Variants in EPB41L4A observed in about 807,000 individuals in gnomAD.
The protein encoded by EPB41L4A is band 4.1-like protein 4A.
A neutral mutation model predicts 108.6 loss-of-function variants in EPB41L4A; 100 were observed. That is an observed-to-expected ratio of 0.92 (90% CI 0.78 to 1.09). EPB41L4A has a LOEUF of 1.09. Among genes scored for constraint, EPB41L4A ranks in the 50% least tolerant of loss-of-function variants. The pLI, the probability that EPB41L4A is intolerant of heterozygous loss-of-function variation, is 0.00. For missense variants in EPB41L4A, 1,030 were observed against 842.7 expected (o/e 1.22, Z -2.75); for synonymous variants, 319 against 289.0 (o/e 1.10, Z -1.05).
intron 9 of EPB41L4A, among the ~76,000 whole-genome samples, chr5:112,242,988 C>T (rs958885415): frequency 3.3e-5 from 5 of 152,026 alleles, no homozygotes; most frequent in East Asian, 1.9e-4. Flanking sequence ...CTGAGGCAGG[C>T]GGATCACCTG....
chr5:112,181,172 C>T (rs767372290), intron 18 of EPB41L4A, among the ~76,000 whole-genome samples: 11 of 152,124 alleles, frequency 7.2e-5, no homozygotes, highest in Non-Finnish European at 1.6e-4. Flanking sequence ...AAACATGTGG[C>T]CGGGCGTGGT....
chr5:112,364,794 T>G (rs1429871732), intron 1 of EPB41L4A, among the ~76,000 whole-genome samples: 1 of 152,236 alleles, frequency 6.6e-6, no homozygotes, highest in Non-Finnish European at 1.5e-5. Flanking sequence ...GTTCATAATT[T>G]GAATCTCTAA....
chr5:112,158,630 G>A (rs1246028367), downstream of EPB41L4A, among the ~76,000 whole-genome samples: 3 of 152,132 alleles, frequency 2.0e-5, no homozygotes, highest in African/African-American at 7.2e-5. Flanking sequence ...GCATGGCTGG[G>A]GAGGCCTCAG....
chr5:112,401,665 T>C (rs765127897), intron 1 of EPB41L4A, among the ~76,000 whole-genome samples: 2 of 152,284 alleles, frequency 1.3e-5, no homozygotes, highest in Middle Eastern at 6.8e-3. Flanking sequence ...ACTCTCACCC[T>C]TTTTCCTCCT....
chr5:112,277,705 G>C, intron 3 of EPB41L4A, among the ~76,000 whole-genome samples: 1 of 152,134 alleles, frequency 6.6e-6, no homozygotes, highest in African/African-American at 2.4e-5. Context: ...AATACCTTTA[G>C]AGTGAGATAA....
Position 112,204,397 on chromosome 5 carries a change from A to C in EPB41L4A, c.1354T>G (p.Ser452Ala). ...RNPSCGSDND[S>A]VQPVRRRKAH... ...TACCTCCTCCTCACAGGCTGTACAG[A>C]ATCATTGTCACTTCCACAGGAGGGG... The change falls in exon 15 of 23, where the codon TCT becomes GCT. Residue 452 changes from serine to alanine, a missense_variant. Coordinates refer to ENST00000261486, the MANE Select transcript of EPB41L4A (RefSeq NM_022140.5). 1 of 1,613,476 alleles carries C rather than the reference A, an allele frequency of 6.2e-7. No homozygotes were observed. The highest frequency in any genetic ancestry group is 8.5e-7 in the Non-Finnish European group (1 of 1,179,456).
At chr5:112,337,658 A>G (rs1757008185) in intron 1 of EPB41L4A, among the ~76,000 whole-genome samples, 1 of 152,160 alleles carries the variant, frequency 6.6e-6, no homozygotes, top group African/African-American at 2.4e-5. Flanking sequence ...CAAGGATCCT[A>G]ATTTCAATAA....
chr5:112,409,028 C>T (rs1762258832), intron 1 of EPB41L4A, among the ~76,000 whole-genome samples: 1 of 152,068 alleles, frequency 6.6e-6, no homozygotes, highest in Non-Finnish European at 1.5e-5. Context: ...AAAACTTGTA[C>T]ATGATTGTTC....
intron 1 of EPB41L4A, among the ~76,000 whole-genome samples, chr5:112,412,225 T>TC (rs1762454999): frequency 6.6e-6 from 1 of 152,210 alleles, no homozygotes; most frequent in Non-Finnish European, 1.5e-5. Context: ...TCTCTCTTGT[T>TC]CTAACTTCCT....
At chr5:112,373,218 T>C (rs958290001) in intron 1 of EPB41L4A, among the ~76,000 whole-genome samples, 6 of 152,150 alleles carry the variant, frequency 3.9e-5, no homozygotes, top group Admixed American at 6.5e-5. Flanking sequence ...GCAAGCCTTA[T>C]GAAGGTCACC....
intron 9 of EPB41L4A, among the ~76,000 whole-genome samples, chr5:112,246,739 A>G (rs560506528): frequency 6.6e-6 from 1 of 152,324 alleles, no homozygotes; most frequent in African/African-American, 2.4e-5. Context: ...GATGTAAAAT[A>G]CAGATTCTCC....
At chr5:112,242,257 C>T (rs555113944) in intron 9 of EPB41L4A, among the ~76,000 whole-genome samples, 1 of 152,312 alleles carries the variant, frequency 6.6e-6, no homozygotes, top group South Asian at 2.1e-4. Context: ...CAAACCCTAC[C>T]ACTACTTTAT....
At chr5:112,379,125 C>A (rs1348155225) in intron 1 of EPB41L4A, among the ~76,000 whole-genome samples, 1 of 152,138 alleles carries the variant, frequency 6.6e-6, no homozygotes, top group Non-Finnish European at 1.5e-5. Context: ...GAGGCGAGCA[C>A]CCTGGGGGGG....
intron 11 of EPB41L4A, 134 bp from the exon 12 acceptor site, chr5:112,234,889 T>G (rs1749219872): frequency 1.1e-6 from 1 of 927,354 alleles, no homozygotes; most frequent in South Asian, 2.1e-5. Context: ...TAATTGATTC[T>G]CATTGCAATA....
rs114308083 is a variant in EPB41L4A at position 112,276,393 on chromosome 5, C to T, written c.257-989G>A. ...TGGGTGCTGAACACATTATATTATGCTTTTACTAGAAATATTTTTATTTCT... is the reference window on the plus strand; with the variant it reads ...TGGGTGCTGAACACATTATATTATGTTTTTACTAGAAATATTTTTATTTCT... On this transcript the variant is annotated intron_variant, in intron 3 of 22. Coordinates refer to ENST00000261486, the MANE Select transcript of EPB41L4A (RefSeq NM_022140.5). Among the ~76,000 whole-genome samples the T allele has an allele frequency of 7.4e-3, 1,121 of 152,216 alleles. 8 individuals carry two copies. Among genetic ancestry groups the T allele is most frequent in the African/African-American group, 0.026 (1,071 of 41,534 alleles).
intron 18 of EPB41L4A, chr5:112,175,352 C>T (rs753694123): frequency 6.6e-6 from 1 of 152,278 alleles, no homozygotes; most frequent in South Asian, 2.1e-4. Flanking sequence ...GAAAAATGTA[C>T]TAAATAGAAC....
intron 1 of EPB41L4A, among the ~76,000 whole-genome samples, chr5:112,375,323 G>GCTCTCTCTCGCACA (rs1440284141): frequency 0.014 from 2,049 of 142,482 alleles, 42 homozygotes; most frequent in African/African-American, 0.05. Context: ...TCTCTCTCTC[G>GCTCTCTCTCGCACA]CACACACACA....
chr5:112,266,002 C>T (rs1751825712), intron 5 of EPB41L4A, among the ~76,000 whole-genome samples: 1 of 152,294 alleles, frequency 6.6e-6, no homozygotes, highest in African/African-American at 2.4e-5. Context: ...AGAATCAATG[C>T]TATTCCAGTG....
At chr5:112,148,198 TATATA>T (rs971064799) in intron 12 of EPB41L4A, among the ~76,000 whole-genome samples, 95 of 147,548 alleles carry the variant, frequency 6.4e-4, no homozygotes, top group African/African-American at 2.1e-3. Context: ...ATAGTATTAC[TATATA>T]ATATAATAAT....
Sources: gnomAD v4.1 joint callset for allele counts (sites outside exome capture counted in the v4.1 genomes callset) on GRCh38, gnomAD v4.1.1 for gene constraint, MANE v1.5 for transcripts, NCBI Gene and HGNC (gene_info 2026-07-23, HGNC 2026-07-21) for gene names.